The following RAD21 variants were observed in gnomAD, a reference collection of about 807,000 sequenced individuals.
RAD21 encodes RAD21 cohesin complex component.
RAD21 carries 18 observed loss-of-function variants against 71.5 expected under a neutral mutation model. The observed-to-expected ratio is 0.25, with a 90% confidence interval of 0.17 to 0.37. RAD21 has a LOEUF of 0.37. RAD21 is among the 10% of genes least tolerant of loss of function. RAD21 has a pLI of 1.00. For missense variants in RAD21, 493 were observed against 769.1 expected (o/e 0.64, Z 4.25); for synonymous variants, 248 against 254.0 (o/e 0.98, Z 0.22).
intron 1 of RAD21, among the ~76,000 whole-genome samples, chr8:116,867,651 G>A: frequency 6.6e-6 from 1 of 152,068 alleles, no homozygotes; most frequent in East Asian, 1.9e-4. Flanking sequence ...CTATTGTTCT[G>A]ATTTTTTTCT....
chr8:116,855,547 A>G (rs1308457458), intron 8 of RAD21, among the ~76,000 whole-genome samples: 1 of 152,152 alleles, frequency 6.6e-6, no homozygotes, highest in African/African-American at 2.4e-5. Context: ...AAATTCTAAG[A>G]GTGCATAAAA....
intron 1 of RAD21, among the ~76,000 whole-genome samples, chr8:116,873,265 G>A (rs947979347): frequency 6.8e-6 from 1 of 147,446 alleles, no homozygotes; most frequent in Non-Finnish European, 1.5e-5. Context: ...TCTGACTTGT[G>A]TATAAAAAAA....
chr8:116,861,736 T>C, intron 4 of RAD21, 105 bp downstream of exon 4: 1 of 722,692 alleles, frequency 1.4e-6, no homozygotes, highest in Non-Finnish European at 2.4e-6. Context: ...ATATGCATTT[T>C]AGCTGTTAAT....
chr8:116,868,852 G>A (rs1389172180), intron 1 of RAD21, among the ~76,000 whole-genome samples: 1 of 150,510 alleles, frequency 6.6e-6, no homozygotes, highest in Non-Finnish European at 1.5e-5. Flanking sequence ...ATCTAATGGA[G>A]AAATGATACA....
chr8:116,867,773 T>C (rs939489600), intron 1 of RAD21, among the ~76,000 whole-genome samples: 1 of 152,220 alleles, frequency 6.6e-6, no homozygotes, highest in Non-Finnish European at 1.5e-5. Flanking sequence ...GAGTCATAGA[T>C]AGCAGGTCCC....
chr8:116,864,966 T>C (rs16889014), intron 2 of RAD21, among the ~76,000 whole-genome samples: 33,181 of 152,022 alleles, frequency 0.22, 4,459 homozygotes, highest in South Asian at 0.47. Flanking sequence ...AAGCTTGCAG[T>C]TGCAAATGAG....
intron 13 of RAD21, 177 bp downstream of exon 13, chr8:116,848,769 A>AG (rs1260477610): frequency 4.4e-6 from 2 of 450,642 alleles, no homozygotes; most frequent in Non-Finnish European, 7.6e-6. Context: ...AATAAAAAAA[A>AG]AAAAGAAAAG....
At position 116,874,770 on chromosome 8, in the gene RAD21, A is replaced by G. The variant is rs1047468452; in HGVS notation, c.-192T>C. The G allele has an allele frequency of 1.3e-5, 6 of 456,270 alleles. No individual in the cohort carries two copies. Among genetic ancestry groups the G allele is most frequent in the Non-Finnish European group, 2.6e-5 (6 of 226,814 alleles). 28.3% of individuals were successfully genotyped at this position (456,270 alleles called of 1,614,324 possible). A position where few individuals can be genotyped will look rare whatever the true frequency, so the allele number is the denominator to read the frequency against. On this transcript the variant is annotated 5_prime_UTR_variant, in exon 1 of 14. Coordinates refer to ENST00000297338, the MANE Select transcript of RAD21 (RefSeq NM_006265.3). ...CCTCCTTTCCGATTCACTCAAACAA[A>G]CAAGATGGCTGCCGTTACGCCGCGG...
intron 9 of RAD21, among the ~76,000 whole-genome samples, chr8:116,852,942 C>T (rs1433672941): frequency 6.6e-6 from 1 of 152,112 alleles, no homozygotes; most frequent in African/African-American, 2.4e-5. Flanking sequence ...ATCTCACAAC[C>T]TTAAGGGCTT....
intron 1 of RAD21, among the ~76,000 whole-genome samples, chr8:116,868,621 T>C (rs1423726789): frequency 6.6e-6 from 1 of 152,082 alleles, no homozygotes; most frequent in South Asian, 2.1e-4. Flanking sequence ...GATTATCAAA[T>C]TTATATAGAA....
chr8:116,855,732 T>C (rs1466927375), intron 8 of RAD21, among the ~76,000 whole-genome samples: 1 of 152,142 alleles, frequency 6.6e-6, no homozygotes, highest in Non-Finnish European at 1.5e-5. Context: ...AAGAATACTT[T>C]TAGTTTTTTC....
In RAD21 at chr8:116,849,037, A is replaced by C; in HGVS notation, c.1621-8T>G. On this transcript the variant is annotated splice_polypyrimidine_tract_variant and splice_region_variant and intron_variant, in intron 12 of 13. Transcript: ENST00000297338. ...CCCTGATGCATCTTCATCCTGAATA[A>C]AAATGACCCCCAAAAAGCTGACAAA... The C allele has an allele frequency of 6.4e-7, 1 of 1,565,048 alleles. No homozygotes were observed. The highest frequency in any genetic ancestry group is 8.6e-7 in the Non-Finnish European group (1 of 1,158,982).
intron 1 of RAD21, among the ~76,000 whole-genome samples, chr8:116,870,041 TGC>T (rs943779419): frequency 3.3e-5 from 5 of 152,200 alleles, no homozygotes; most frequent in Non-Finnish European, 5.9e-5. Context: ...GCAAGACTAC[TGC>T]AGTCAGGTTT....
rs1431756871 is a variant in RAD21, at chr8:116,856,822, C to T, written c.689-51G>A. 2.2e-6 allele frequency: 3 copies of T among 1,338,846 alleles called. No homozygotes were observed. The African/African-American group carries it at 4.5e-5, about 20-fold the overall frequency. The allele number at this position is 1,338,846 out of a possible 1,614,324, so 82.9% of individuals were successfully genotyped here. A position where few individuals can be genotyped will look rare whatever the true frequency, so the allele number is the denominator to read the frequency against. On this transcript the variant is annotated intron_variant, in intron 6 of 13. Transcript: ENST00000297338. ...ATAATTTGAAAAAGAAATGCCAAAC[C>T]ACAACAGCCAATCAATGGAAAAACA...
chr8:116,857,407 A>G lies in RAD21; in HGVS notation c.548T>C (p.Leu183Ser). The G allele has an allele frequency of 6.2e-7, 1 of 1,613,472 alleles. No homozygotes were observed. The highest frequency in any genetic ancestry group is 8.5e-7 in the Non-Finnish European group (1 of 1,179,742). Residue 183 changes from leucine (L) to serine (S), a missense_variant, in exon 6 of 14, where the codon TTA becomes TCA. This residue lies in a region of RAD21 where 165 missense variants were observed against 229.6 expected (regional missense o/e 0.72). Coordinates refer to ENST00000297338, the MANE Select transcript of RAD21 (RefSeq NM_006265.3). ...GAGGTTAGAAGTAGTAGTGCTTACT[A>G]ACATGTCGTCATCCTCAAAAGCACT... The part of the protein sequence containing the change: ...EGSAFEDDDM[L>S]VSTTTSNLLL...
chr8:116,846,606 G>C lies in RAD21; in HGVS notation c.*894C>G. The C allele has an allele frequency of 4.4e-6, 1 of 228,276 alleles. No homozygotes were observed. Among genetic ancestry groups the C allele is most frequent in the Non-Finnish European group, 8.7e-6 (1 of 114,668 alleles). The allele number at this position is 228,276 out of a possible 1,614,324, so 14.1% of individuals were successfully genotyped here. A position where few individuals can be genotyped will look rare whatever the true frequency, so the allele number is the denominator to read the frequency against. On this transcript the variant is annotated 3_prime_UTR_variant, in exon 14 of 14. Coordinates refer to ENST00000297338, the MANE Select transcript of RAD21 (RefSeq NM_006265.3). The stretch of plus-strand genomic sequence containing the variant: ...TTTTTACAGCATCGTCTGCTTAAAA[G>C]CTAAGTTGACCAGGTGCATAATTTC...
chr8:116,865,047 A>G (rs1225682568), intron 2 of RAD21, among the ~76,000 whole-genome samples: 2 of 152,162 alleles, frequency 1.3e-5, no homozygotes, highest in African/African-American at 2.4e-5. Context: ...CAAAGCAAAC[A>G]TTAGAAATTT....
At position 116,852,045 on chromosome 8, in the gene RAD21, G is replaced by A. The variant is rs1812360208; in HGVS notation, c.1373C>T (p.Ala458Val). ...PSRLQESVME[A>V]SRTNIDESAM... ...TGACTCATCTATGTTTGTTCTGCTG[G>A]CCTCCATCACTGACTCCTGGAGGCG... Residue 458 changes from alanine to valine, a missense_variant, in exon 11 of 14, where the codon GCC becomes GTC. By Grantham distance (64) the Ala-to-Val change is moderately conservative (BLOSUM62 0). Coordinates refer to ENST00000297338, the MANE Select transcript of RAD21 (RefSeq NM_006265.3). 6.2e-7 allele frequency: 1 copy of A among 1,612,104 alleles called. No individual in the cohort carries two copies. The highest frequency in any genetic ancestry group is 8.5e-7 in the Non-Finnish European group (1 of 1,178,352).
chr8:116,866,611 C>T lies in RAD21; in HGVS notation c.119G>A (p.Ser40Asn). 1 of 1,612,444 alleles carries T rather than the reference C, an allele frequency of 6.2e-7. No homozygotes were observed. The highest frequency in any genetic ancestry group is 8.5e-7 in the Non-Finnish European group (1 of 1,179,206). Residue 40 changes from serine to asparagine, a missense_variant, in exon 2 of 14, where the codon AGC becomes AAC. Ser to Asn is a conservative substitution (Grantham distance 46, BLOSUM62 1). Around this residue, in one of 5 missense-constraint regions of RAD21, gnomAD observed 27 missense variants for 144.1 expected, o/e 0.19. Coordinates refer to ENST00000297338, the MANE Select transcript of RAD21 (RefSeq NM_006265.3). ...AHVFECNLESSVESIISPKVK... is the reference protein window; with the variant it reads ...AHVFECNLESNVESIISPKVK... Reference sequence around the variant, plus strand: ...CTTTGGTGAGATGATACTCTCCACGCTGCTCTCTAAATTACACTCGAACAC... The same window carrying T: ...CTTTGGTGAGATGATACTCTCCACGTTGCTCTCTAAATTACACTCGAACAC...
Sources: gnomAD v4.1 joint callset for allele counts (sites outside exome capture counted in the v4.1 genomes callset) on GRCh38, gnomAD v4.1.1 for gene constraint, gnomAD v4.1.1 regional missense constraint, MANE v1.5 for transcripts, NCBI Gene and HGNC (gene_info 2026-07-23, HGNC 2026-07-21) for gene names.